EYS: variants seen among roughly 807,000 people sequenced by gnomAD.
EYS encodes the protein EGF-like photoreceptor maintenance factor, also known as protein eyes shut homolog.
A neutral mutation model predicts 282.1 loss-of-function variants in EYS; 250 were observed. That is an observed-to-expected ratio of 0.89 (90% confidence interval 0.80 to 0.98). The LOEUF (loss-of-function observed/expected upper bound fraction) is 0.98, where lower values mean the gene tolerates loss of function less well. Ranked by LOEUF, EYS falls within the 50% of genes least tolerant of loss-of-function variation. The probability of loss-of-function intolerance (pLI) is 0.00; values close to 1 mark genes in which losing one functional copy is unlikely to be tolerated. For synonymous variants in EYS, 1,355 were observed against 1,282.9 expected (o/e 1.06, Z -1.20); for missense variants, 4,016 against 3,709.0 (o/e 1.08, Z -2.15).
At chr6:65,129,515 C>T (rs1490346313) in intron 12 of EYS, among the ~76,000 whole-genome samples, 1 of 151,944 alleles carries the variant, frequency 6.6e-6, no homozygotes, top group African/African-American at 2.4e-5. Context: ...CATGAACAGA[C>T]ACTTCTCAAA....
At chr6:65,694,913 T>C (rs143188524) in intron 1 of EYS, among the ~76,000 whole-genome samples, 1 of 152,056 alleles carries the variant, frequency 6.6e-6, no homozygotes, top group Non-Finnish European at 1.5e-5. Context: ...TAATAAAATA[T>C]AAAATTTGAT....
At chr6:64,818,134 T>C (rs1764795191) in intron 21 of EYS, among the ~76,000 whole-genome samples, 1 of 152,288 alleles carries the variant, frequency 6.6e-6, no homozygotes, top group African/African-American at 2.4e-5. Flanking sequence ...ACATGGTGCA[T>C]GAGAAAGATA....
At chr6:63,909,078 C>T (rs1358175972) in intron 35 of EYS, among the ~76,000 whole-genome samples, 2 of 151,968 alleles carry the variant, frequency 1.3e-5, no homozygotes, top group Non-Finnish European at 2.9e-5. Context: ...TGAAAAGGCC[C>T]ATAGAGCCAG....
intron 15 of EYS, among the ~76,000 whole-genome samples, chr6:64,932,498 G>A (rs1404089663): frequency 6.6e-6 from 1 of 151,946 alleles, no homozygotes; most frequent in Non-Finnish European, 1.5e-5. Context: ...TATAATCAAA[G>A]ATTTAATAAC....
At chr6:64,602,043 T>C (rs1439546433) in intron 24 of EYS, among the ~76,000 whole-genome samples, 1 of 152,116 alleles carries the variant, frequency 6.6e-6, no homozygotes, top group Non-Finnish European at 1.5e-5. Flanking sequence ...ACTTTTCTAC[T>C]ATCTACATTA....
Position 64,721,516 on chromosome 6 carries a change from G to T in EYS, c.3443+91862C>A, listed in dbSNP as rs530343321. Among the ~76,000 whole-genome samples the T allele has an allele frequency of 4.8e-4, 73 of 152,204 alleles. 2 individuals carry two copies. The South Asian group carries it at 0.015, about 31-fold the overall frequency. On this transcript the variant is annotated intron_variant, in intron 22 of 42. Transcript: ENST00000503581. ...TTCCATCTTTTAACTAATATTTATT[G>T]ATGGCCTCAAATGGGTGGGGCACTC...
intron 12 of EYS, among the ~76,000 whole-genome samples, chr6:65,274,559 G>A (rs1441967809): frequency 6.6e-6 from 1 of 152,040 alleles, no homozygotes; most frequent in Non-Finnish European, 1.5e-5. Flanking sequence ...TTTTCAGCTG[G>A]CACTACCAGA....
intron 12 of EYS, among the ~76,000 whole-genome samples, chr6:65,285,026 C>T (rs1381882247): frequency 6.6e-6 from 1 of 151,276 alleles, no homozygotes; most frequent in East Asian, 1.9e-4. Context: ...TGTTTTCTGG[C>T]TATGTTTTTC....
At position 65,000,101 on chromosome 6, in the gene EYS, C is replaced by A. The variant is rs189719710; in HGVS notation, c.2138-2398G>T. ...AACTAAATGAGCACCCTGTAACACA[C>A]GCCCACTGGGGCTTCAGGAGCTGTA... On this transcript the variant is annotated intron_variant, in intron 13 of 42. Coordinates refer to ENST00000503581, the MANE Select transcript of EYS (RefSeq NM_001142800.2). 4.3e-3 allele frequency among the ~76,000 whole-genome samples: 653 copies of A among 152,288 alleles called. 7 individuals are homozygous for A. The highest frequency in any genetic ancestry group is 0.015 in the African/African-American group (618 of 41,570).
At chr6:64,180,786 G>A (rs547225670) in intron 31 of EYS, among the ~76,000 whole-genome samples, 10 of 152,192 alleles carry the variant, frequency 6.6e-5, no homozygotes, top group Middle Eastern at 6.8e-3. Context: ...GTCCTAATGG[G>A]CTATGTAATC....
In EYS at chr6:63,905,746, T is replaced by C. The variant is rs548833236; in HGVS notation, c.7056-41388A>G. On this transcript the variant is annotated intron_variant, in intron 35 of 42. Coordinates refer to ENST00000503581, the MANE Select transcript of EYS (RefSeq NM_001142800.2). ...AACCCAGTGGACTAGAATTTGCCTG[T>C]CGATTTTGATCTTTACACTGATTCC... 3.3e-5 allele frequency among the ~76,000 whole-genome samples: 5 copies of C among 152,342 alleles called. No individual in the cohort carries two copies. In the East Asian group the frequency reaches 9.6e-4, roughly 29 times the overall value.
chr6:63,757,300 T>G (rs547762996), intron 41 of EYS, among the ~76,000 whole-genome samples: 4 of 152,170 alleles, frequency 2.6e-5, no homozygotes, highest in African/African-American at 9.6e-5. Flanking sequence ...CCTGGTTTCC[T>G]GCAGTACCCT....
At chr6:65,398,020 T>C (rs1766352284) in intron 7 of EYS, among the ~76,000 whole-genome samples, 1 of 152,220 alleles carries the variant, frequency 6.6e-6, no homozygotes, top group South Asian at 2.1e-4. Flanking sequence ...ATGTTGAGCA[T>C]TTTTTATATG....
At chr6:64,923,324 C>T (rs145947700) in intron 15 of EYS, among the ~76,000 whole-genome samples, 190 of 152,196 alleles carry the variant, frequency 1.2e-3, no homozygotes, top group African/African-American at 3.5e-3. Context: ...ATGACTATCA[C>T]GAGAATAGCA....
At chr6:64,493,563 T>C (rs994945841) in intron 26 of EYS, among the ~76,000 whole-genome samples, 8 of 151,626 alleles carry the variant, frequency 5.3e-5, no homozygotes, top group African/African-American at 1.9e-4. Flanking sequence ...AGTCTTTCTA[T>C]ATCAGTAGGT....
chr6:64,192,916 A>G (rs185194161), intron 31 of EYS, among the ~76,000 whole-genome samples: 116 of 152,310 alleles, frequency 7.6e-4, no homozygotes, highest in Admixed American at 4.6e-3. Context: ...CAACTCTTCA[A>G]TAAATCATGT....
intron 10 of EYS, among the ~76,000 whole-genome samples, chr6:65,341,872 CATAA>C (rs1488922963): frequency 5.3e-5 from 8 of 151,256 alleles, no homozygotes; most frequent in African/African-American, 1.9e-4. Flanking sequence ...ATTAATTGAT[CATAA>C]ATATTTTTAT....
intron 28 of EYS, among the ~76,000 whole-genome samples, chr6:64,414,332 G>C (rs1027735697): frequency 6.6e-6 from 1 of 152,084 alleles, no homozygotes; most frequent in Non-Finnish European, 1.5e-5. Context: ...TTCACGTTTT[G>C]TGTATAAATT....
At chr6:65,526,762 C>T (rs1313618672) in intron 2 of EYS, among the ~76,000 whole-genome samples, 3 of 151,892 alleles carry the variant, frequency 2.0e-5, no homozygotes, top group Admixed American at 6.6e-5. Flanking sequence ...GCCCAGATCG[C>T]GCCACTGCAC....
Sources: gnomAD v4.1 joint callset for allele counts (sites outside exome capture counted in the v4.1 genomes callset) on GRCh38, gnomAD v4.1.1 for gene constraint, MANE v1.5 for transcripts, NCBI Gene and HGNC (gene_info 2026-07-23, HGNC 2026-07-21) for gene names.